CMC1: variants seen among roughly 807,000 people sequenced by gnomAD.
CMC1 encodes the protein C-X9-C motif containing 1, also known as COX assembly mitochondrial protein homolog.
Under a neutral mutation model 14.1 loss-of-function variants are expected in CMC1, and 14 were observed. That is an observed-to-expected ratio of 0.99 (90% CI 0.66 to 1.55). The LOEUF is 1.55. CMC1 is among the 40% of genes most tolerant of loss of function. The pLI is 0.00. For synonymous variants in CMC1, 50 were observed against 38.4 expected (o/e 1.30, Z -1.12); for missense variants, 127 against 123.8 (o/e 1.03, Z -0.12).
chr3:28,241,676 C>T lies in CMC1; in HGVS notation c.-118C>T. On this transcript the variant is annotated 5_prime_UTR_variant, in exon 1 of 4. Transcript: ENST00000466830. ...GGTGCTTTGCAAAGGGCCCGTGTTT[C>T]TGTTGCGGGAAGCTCCCGGGGGTCG... 1 of 1,235,490 alleles carries T rather than the reference C, an allele frequency of 8.1e-7. No individual in the cohort carries two copies. The highest frequency in any genetic ancestry group is 1.0e-6 in the Non-Finnish European group (1 of 987,904). 76.5% of individuals were successfully genotyped at this position (1,235,490 alleles called of 1,614,324 possible).
chr3:28,258,135 G>A (rs1009718659), intron 1 of CMC1, among the ~76,000 whole-genome samples: 6 of 146,114 alleles, frequency 4.1e-5, no homozygotes, highest in Non-Finnish European at 9.0e-5. Context: ...CAAGCCTTTT[G>A]TCCATCTTTT....
At chr3:28,264,582 A>G (rs919203438) in intron 2 of CMC1, among the ~76,000 whole-genome samples, 1 of 152,154 alleles carries the variant, frequency 6.6e-6, no homozygotes, top group Non-Finnish European at 1.5e-5. Context: ...ACCTACCCCC[A>G]GATGTCTTGA....
intron 2 of CMC1, chr3:28,292,038 T>C (rs1383550174): frequency 6.6e-6 from 1 of 152,184 alleles, no homozygotes; most frequent in Non-Finnish European, 1.5e-5. Flanking sequence ...GTGGGCTATT[T>C]GTGCCCTCAG....
rs1235187756 is a variant in CMC1, at chr3:28,305,224, C to CTAA, written c.110-11108_110-11107insAAT. Among the ~76,000 whole-genome samples the CTAA allele has an allele frequency of 1.4e-3, 215 of 152,224 alleles. 1 individual carries two copies. Among genetic ancestry groups the CTAA allele is most frequent in the African/African-American group, 5.1e-3 (210 of 41,552 alleles). Reference sequence around the variant, plus strand: ...CTGTTAATCCACTTAGGATAATGGCCTCCAGCTAAATCTATGTTGCTGCAA... The same window carrying CTAA: ...CTGTTAATCCACTTAGGATAATGGCCTAATCCAGCTAAATCTATGTTGCTGCAA... On this transcript the variant is annotated intron_variant, in intron 2 of 3. Transcript: ENST00000466830.
At chr3:28,283,404 G>A (rs1200573055) in intron 2 of CMC1, among the ~76,000 whole-genome samples, 1 of 151,744 alleles carries the variant, frequency 6.6e-6, no homozygotes, top group African/African-American at 2.4e-5. Flanking sequence ...CTGTAATCCC[G>A]GCTACTCAGG....
At chr3:28,296,921 G>A (rs1029116347) in intron 2 of CMC1, among the ~76,000 whole-genome samples, 1 of 152,002 alleles carries the variant, frequency 6.6e-6, no homozygotes, top group African/African-American at 2.4e-5. Context: ...CTTGAATTTT[G>A]TGCTGCCTTT....
chr3:28,263,899 A>G (rs1699860900), intron 2 of CMC1, among the ~76,000 whole-genome samples: 1 of 152,152 alleles, frequency 6.6e-6, no homozygotes, highest in African/African-American at 2.4e-5. Context: ...AAATACATAC[A>G]CTAGACAGCT....
intron 1 of CMC1, among the ~76,000 whole-genome samples, chr3:28,252,665 G>T (rs898605622): frequency 1.3e-5 from 2 of 152,146 alleles, no homozygotes; most frequent in Non-Finnish European, 2.9e-5. Flanking sequence ...CAGCATAACT[G>T]TGGAAGCTCA....
intron 2 of CMC1, among the ~76,000 whole-genome samples, chr3:28,304,581 C>T (rs1011000524): frequency 6.6e-6 from 1 of 152,054 alleles, no homozygotes; most frequent in African/African-American, 2.4e-5. Context: ...TCTTAGTAGA[C>T]GTCTCAACAG....
At chr3:28,303,862 A>T (rs1224671992) in intron 2 of CMC1, among the ~76,000 whole-genome samples, 1 of 152,124 alleles carries the variant, frequency 6.6e-6, no homozygotes, top group South Asian at 2.1e-4. Context: ...TTTTTACCTT[A>T]GTCTTTATTT....
Position 28,263,326 on chromosome 3 carries a change from A to G in CMC1, c.55A>G (p.Ile19Val). The change falls in exon 2 of 4, where the codon ATC (isoleucine) becomes GTC (valine). Residue 19 changes from isoleucine to valine, a missense_variant. Transcript: ENST00000466830. The part of the protein sequence containing the change: ...HLRHVEKDVL[I>V]PKIMREKAKE... ...CAGACATGTCGAAAAAGATGTTTTGATCCCTAAAATAATGAGAGAAAAGGC... is the reference window on the plus strand; with the variant it reads ...CAGACATGTCGAAAAAGATGTTTTGGTCCCTAAAATAATGAGAGAAAAGGC... 2 of 1,608,438 alleles carry G rather than the reference A, an allele frequency of 1.2e-6. No homozygotes were observed. The highest frequency in any genetic ancestry group is 4.5e-5 in the East Asian group (2 of 44,516).
intron 1 of CMC1, among the ~76,000 whole-genome samples, chr3:28,251,431 C>T (rs1699119496): frequency 6.6e-6 from 1 of 152,172 alleles, no homozygotes. Context: ...GTGTCCCAAA[C>T]ACATCCCATT....
chr3:28,258,769 G>A (rs1699569506), intron 1 of CMC1, among the ~76,000 whole-genome samples: 1 of 151,722 alleles, frequency 6.6e-6, no homozygotes, highest in African/African-American at 2.4e-5. Flanking sequence ...ACAGGCACCC[G>A]CCACCAAGTC....
Position 28,241,818 on chromosome 3 carries a change from G to A in CMC1, c.19+6G>A. On this transcript the variant is annotated splice_donor_region_variant and intron_variant, in intron 1 of 3. Transcript: ENST00000466830. ...GATGGCGCTCGACCCCGCAGGTACC[G>A]GGGCGGGAAGCGGGGTTTGCCGAGG... 1 of 1,238,884 alleles carries A rather than the reference G, an allele frequency of 8.1e-7. No individual in the cohort carries two copies. Among genetic ancestry groups the A allele is most frequent in the Non-Finnish European group, 1.0e-6 (1 of 988,066 alleles). The allele number at this position is 1,238,884 out of a possible 1,614,324, so 76.7% of individuals were successfully genotyped here.
chr3:28,305,137 C>T (rs1159528226), intron 2 of CMC1, among the ~76,000 whole-genome samples: 2 of 152,026 alleles, frequency 1.3e-5, no homozygotes, highest in Admixed American at 6.6e-5. Flanking sequence ...TCTTTTTGTC[C>T]CTGCATACCC....
At chr3:28,296,153 A>G (rs570792884) in intron 2 of CMC1, among the ~76,000 whole-genome samples, 1 of 152,200 alleles carries the variant, frequency 6.6e-6, no homozygotes, top group Admixed American at 6.6e-5. Context: ...ACAGGCCAGG[A>G]ATTATGCATA....
rs777797221 is a variant in CMC1 at position 28,324,142 on chromosome 3, G to A, written c.*4513G>A. 3 of 1,610,460 alleles carry A rather than the reference G, an allele frequency of 1.9e-6. No homozygotes were observed. Among genetic ancestry groups the A allele is most frequent in the African/African-American group, 2.7e-5 (2 of 74,588 alleles). ...TTTAGTTTTAGTTTCCCCAAATGCT[G>A]TCTCACTTGATTTAGGAGGACTTGG... On this transcript the variant is annotated 3_prime_UTR_variant, in exon 4 of 4. Transcript: ENST00000466830.
chr3:28,303,104 T>C (rs1702141147), intron 2 of CMC1, among the ~76,000 whole-genome samples: 1 of 152,130 alleles, frequency 6.6e-6, no homozygotes, highest in Non-Finnish European at 1.5e-5. Flanking sequence ...TACTTGATCG[T>C]GTTTTTGTAC....
rs558286230 is a variant in CMC1, at chr3:28,314,429, G to A, written c.110-1904G>A. Among the ~76,000 whole-genome samples, 60 of 152,232 alleles carry A rather than the reference G, an allele frequency of 3.9e-4. 1 individual carries two copies. The highest frequency in any genetic ancestry group is 1.0e-3 in the South Asian group (5 of 4,830). ...TGACCTGTGTGGCCAGCTCATCTGC[G>A]TCAAGAGGAACAAGAACATTTGCAG... On this transcript the variant is annotated intron_variant, in intron 2 of 3. Transcript: ENST00000466830.
Sources: allele counts gnomAD v4.1 joint callset (sites outside exome capture counted in the v4.1 genomes callset), GRCh38; gene constraint gnomAD v4.1.1; transcripts MANE v1.5; gene names NCBI Gene and HGNC (gene_info 2026-07-23, HGNC 2026-07-21).